The following CENPC variants were observed in gnomAD, a reference collection of about 807,000 sequenced individuals.
The protein encoded by CENPC is centromere protein C.
CENPC carries 63 observed loss-of-function variants against 112.1 expected under a neutral mutation model. The observed-to-expected ratio is 0.56, with a 90% CI of 0.46 to 0.69. The LOEUF (loss-of-function observed/expected upper bound fraction) is 0.69, where lower values mean the gene tolerates loss of function less well. Among genes scored for constraint, CENPC ranks in the 30% least tolerant of loss-of-function variants. The pLI, the probability that CENPC is intolerant of heterozygous loss-of-function variation, is 0.00. For missense variants in CENPC, 1,000 were observed against 1,103.8 expected (o/e 0.91, Z 1.33); for synonymous variants, 333 against 367.6 (o/e 0.91, Z 1.08).
intron 17 of CENPC, among the ~76,000 whole-genome samples, chr4:67,477,443 G>C (rs1254704007): frequency 2.0e-5 from 3 of 152,156 alleles, no homozygotes; most frequent in African/African-American, 7.2e-5. Context: ...GCTAGACACA[G>C]AAGAGCAATA....
intron 12 of CENPC, among the ~76,000 whole-genome samples, chr4:67,502,277 G>A (rs1725611608): frequency 6.6e-6 from 1 of 152,050 alleles, no homozygotes; most frequent in South Asian, 2.1e-4. Context: ...TTGACAATAA[G>A]TGTATATATA....
Position 67,514,374 on chromosome 4 carries a change from C to G in CENPC, c.1144G>C (p.Asp382His). ...TCACCTATCAAAGCATAACTTGTAT[C>G]CAGTACTGTTTTATCAGAGGGCTGA... Reference protein sequence around the residue: ...TSQPSDKTVLDTSYALIGETV... With the variant: ...TSQPSDKTVLHTSYALIGETV... The change falls in exon 8 of 19, where the codon GAT (aspartate) becomes CAT (histidine). Residue 382 changes from aspartate to histidine, a missense_variant. Coordinates refer to ENST00000273853, the MANE Select transcript of CENPC (RefSeq NM_001812.4). The G allele has an allele frequency of 6.2e-7, 1 of 1,613,162 alleles. No individual in the cohort carries two copies. The highest frequency in any genetic ancestry group is 8.5e-7 in the Non-Finnish European group (1 of 1,179,368).
At chr4:67,499,851 T>A (rs1725543622) in intron 12 of CENPC, among the ~76,000 whole-genome samples, 1 of 152,200 alleles carries the variant, frequency 6.6e-6, no homozygotes, top group Non-Finnish European at 1.5e-5. Flanking sequence ...AATGTGTGAC[T>A]CTTTCTTTTA....
At chr4:67,492,564 T>C (rs752693549) in intron 15 of CENPC, among the ~76,000 whole-genome samples, 6 of 152,184 alleles carry the variant, frequency 3.9e-5, no homozygotes, top group South Asian at 2.1e-4. Flanking sequence ...CTAAGTGAGA[T>C]AGAGGTATAT....
chr4:67,523,537 G>T (rs1726290159), intron 5 of CENPC, among the ~76,000 whole-genome samples: 1 of 152,134 alleles, frequency 6.6e-6, no homozygotes, highest in Non-Finnish European at 1.5e-5. Context: ...AAGAGGAGGA[G>T]GCTAGAATAA....
intron 5 of CENPC, among the ~76,000 whole-genome samples, chr4:67,530,137 T>C (rs559000987): frequency 3.0e-4 from 45 of 152,306 alleles, no homozygotes; most frequent in African/African-American, 1.1e-3. Context: ...AAATCTAAGT[T>C]GGGATAAGAC....
At chr4:67,527,379 GA>G (rs1726413296) in intron 5 of CENPC, among the ~76,000 whole-genome samples, 2 of 150,392 alleles carry the variant, frequency 1.3e-5, no homozygotes, top group African/African-American at 4.9e-5. Flanking sequence ...ACTGGCAGGA[GA>G]AAATTTCCCA....
At chr4:67,501,060 C>G (rs552907706) in intron 12 of CENPC, among the ~76,000 whole-genome samples, 1 of 152,138 alleles carries the variant, frequency 6.6e-6, no homozygotes, top group South Asian at 2.1e-4. Context: ...GTAATCCCAG[C>G]GCTTTGGGAG....
intron 12 of CENPC, among the ~76,000 whole-genome samples, chr4:67,496,786 G>A (rs1283095109): frequency 1.3e-5 from 2 of 152,048 alleles, no homozygotes; most frequent in East Asian, 3.9e-4. Flanking sequence ...TTCTAACATC[G>A]ATTGTGTCAA....
Position 67,545,442 on chromosome 4 carries a change from G to A in CENPC, c.-87C>T. On this transcript the variant is annotated 5_prime_UTR_variant, in exon 1 of 19. Coordinates refer to ENST00000273853, the MANE Select transcript of CENPC (RefSeq NM_001812.4). Reference sequence around the variant, plus strand: ...CAGGAAGCCGAGCAAGAAACGAATCGCCGGAATACCAGGCCGCGGCCAAGC... The same window carrying A: ...CAGGAAGCCGAGCAAGAAACGAATCACCGGAATACCAGGCCGCGGCCAAGC... 7.4e-7 allele frequency: 1 copy of A among 1,359,338 alleles called. No homozygotes were observed. Among genetic ancestry groups the A allele is most frequent in the Non-Finnish European group, 9.7e-7 (1 of 1,026,820 alleles). The allele number at this position is 1,359,338 out of a possible 1,614,324, so 84.2% of individuals were successfully genotyped here.
Position 67,490,070 on chromosome 4 carries a change from A to C in CENPC, c.2567T>G (p.Leu856Trp). Residue 856 changes from leucine to tryptophan, a missense_variant, in exon 17 of 19, where the codon TTG becomes TGG. Coordinates refer to ENST00000273853, the MANE Select transcript of CENPC (RefSeq NM_001812.4). ...TGTATCCAATGTCTTGTATACCTTC[A>C]ACTCACCATGCTTAACAAAAAATTG... is the stretch of plus-strand genomic sequence containing the variant. ...TYQFFVKHGE[L>W]KVYKTLDTPF... 6.2e-7 allele frequency: 1 copy of C among 1,610,764 alleles called. No homozygotes were observed.
Position 67,509,063 on chromosome 4 carries a change from A to C in CENPC, c.1655T>G (p.Met552Arg). 8 of 1,610,968 alleles carry C rather than the reference A, an allele frequency of 5.0e-6. No homozygotes were observed. The highest frequency in any genetic ancestry group is 6.8e-6 in the Non-Finnish European group (8 of 1,179,300). Residue 552 changes from methionine to arginine, a missense_variant, in exon 10 of 19, where the codon ATG becomes AGG. Physicochemically the swap from Met to Arg is moderately conservative, Grantham distance 91. Coordinates refer to ENST00000273853, the MANE Select transcript of CENPC (RefSeq NM_001812.4). ...SNSSVRNELPMHHNSSRKSTK... is the reference protein window; with the variant it reads ...SNSSVRNELPRHHNSSRKSTK... The stretch of plus-strand genomic sequence containing the variant: ...AGATTTTCGGCTACTATTGTGATGC[A>C]TTGGTAATTCATTTCTTACTGAAGA...
rs575162988 is a variant in CENPC at position 67,535,064 on chromosome 4, CAGG to C, written c.232-4153_232-4151del. On this transcript the variant is annotated intron_variant, in intron 4 of 18. Transcript: ENST00000273853. Reference sequence around the variant, plus strand: ...CATGGAATCACAACAGTATTCTCAACAGGAGAAGCTAAAATAAAAGAAAGCAAC... The same window carrying C: ...CATGGAATCACAACAGTATTCTCAACAGAAGCTAAAATAAAAGAAAGCAAC... Among the ~76,000 whole-genome samples, 398 of 152,032 alleles carry C rather than the reference CAGG, an allele frequency of 2.6e-3. 3 individuals carry two copies. The highest frequency in any genetic ancestry group is 9.4e-3 in the African/African-American group (389 of 41,468).
intron 17 of CENPC, among the ~76,000 whole-genome samples, chr4:67,475,835 C>T (rs746097536): frequency 1.1e-4 from 17 of 152,066 alleles, no homozygotes; most frequent in Non-Finnish European, 1.9e-4. Flanking sequence ...GTGATCTGCC[C>T]GCCTCGGCCT....
chr4:67,528,589 T>C (rs1726454093), intron 5 of CENPC, among the ~76,000 whole-genome samples: 1 of 152,228 alleles, frequency 6.6e-6, no homozygotes, highest in African/African-American at 2.4e-5. Context: ...TTTGTCTGGT[T>C]TATTTCAGTT....
At chr4:67,528,987 TTTTTG>T (rs1196458396) in intron 5 of CENPC, among the ~76,000 whole-genome samples, 5 of 152,208 alleles carry the variant, frequency 3.3e-5, no homozygotes, top group Admixed American at 2.6e-4. Flanking sequence ...TATTTTCCTT[TTTTTG>T]TTTTAAATAA....
intron 11 of CENPC, among the ~76,000 whole-genome samples, chr4:67,505,936 T>TA (rs764471367): frequency 4.0e-5 from 6 of 151,178 alleles, no homozygotes; most frequent in South Asian, 4.2e-4. Flanking sequence ...ATATTTTAAT[T>TA]AAAAAAAAAT....
intron 12 of CENPC, among the ~76,000 whole-genome samples, chr4:67,498,428 T>C (rs1056112223): frequency 1.3e-5 from 2 of 152,094 alleles, no homozygotes; most frequent in Non-Finnish European, 2.9e-5. Flanking sequence ...AATGCTGTTG[T>C]ATAGCATTTT....
chr4:67,543,639 A>G (rs1456109375), intron 2 of CENPC, among the ~76,000 whole-genome samples: 1 of 152,222 alleles, frequency 6.6e-6, no homozygotes, highest in African/African-American at 2.4e-5. Flanking sequence ...TACTAAAATC[A>G]CAGCTCAATA....
Sources: gnomAD v4.1 joint callset for allele counts (sites outside exome capture counted in the v4.1 genomes callset) on GRCh38, gnomAD v4.1.1 for gene constraint, MANE v1.5 for transcripts, NCBI Gene and HGNC (gene_info 2026-07-23, HGNC 2026-07-21) for gene names.